ZFHX3: variants seen among roughly 807,000 people sequenced by gnomAD.
ZFHX3 encodes the protein zinc finger homeobox protein 3.
ZFHX3 carries 42 observed loss-of-function variants against 279.1 expected under a neutral mutation model. The ratio of observed to expected loss-of-function variants is 0.15; its 90% CI spans 0.12 to 0.19. ZFHX3 has a LOEUF of 0.19. ZFHX3 is among the 10% of genes least tolerant of loss of function. The pLI, the probability that ZFHX3 is intolerant of heterozygous loss-of-function variation, is 1.00. For synonymous variants in ZFHX3, 2,293 were observed against 1,957.8 expected (o/e 1.17, Z -4.52); for missense variants, 4,981 against 4,754.0 (o/e 1.05, Z -1.40).
chr16:72,969,979 G>A (rs1313407057), intron 1 of ZFHX3, among the ~76,000 whole-genome samples: 1 of 152,200 alleles, frequency 6.6e-6, no homozygotes, highest in African/African-American at 2.4e-5. Context: ...CCAGAGAATC[G>A]CCCAGGCCGT....
At chr16:72,834,953 A>G (rs977079492) in intron 4 of ZFHX3, among the ~76,000 whole-genome samples, 2 of 152,192 alleles carry the variant, frequency 1.3e-5, no homozygotes, top group African/African-American at 4.8e-5. Flanking sequence ...AACTCTTAAC[A>G]GGATAATGCA....
intron 3 of ZFHX3, among the ~76,000 whole-genome samples, chr16:72,906,580 T>A (rs1242777771): frequency 2.0e-5 from 3 of 152,090 alleles, no homozygotes; most frequent in Admixed American, 2.0e-4. Flanking sequence ...GCGGATCACC[T>A]GAGGTCAGGA....
chr16:72,959,693 G>A lies in ZFHX3; in HGVS notation c.453C>T (p.Thr151=). Residue 151 remains threonine (T), a synonymous_variant, in exon 2 of 10, where the codon ACC becomes ACT. Coordinates refer to ENST00000268489, the MANE Select transcript of ZFHX3 (RefSeq NM_006885.4). ...CACTCCCACAGGCGCCCCCGCCCTG[G>A]GTCAGCTGGCTCAGGCTCTCCACAA... The part of the protein sequence containing the change: ...AYIVESLSQL[T]QGGGACGSGS... 4 of 1,613,914 alleles carry A rather than the reference G, an allele frequency of 2.5e-6. No individual in the cohort carries two copies. The highest frequency in any genetic ancestry group is 3.4e-6 in the Non-Finnish European group (4 of 1,179,998).
At chr16:73,187,623 A>G (rs184460385) in intron 5 of ZFHX3, among the ~76,000 whole-genome samples, 1 of 152,334 alleles carries the variant, frequency 6.6e-6, no homozygotes, top group African/African-American at 2.4e-5. Flanking sequence ...TTTTGCTTAA[A>G]GTATCTGGTA....
intron 3 of ZFHX3, among the ~76,000 whole-genome samples, chr16:73,357,639 G>A (rs2016365885): frequency 6.6e-6 from 1 of 152,174 alleles, no homozygotes; most frequent in South Asian, 2.1e-4. Context: ...AGCCTAAAAT[G>A]ACAGGTTCCC....
At chr16:73,689,624 G>T (rs944017971) in intron 1 of ZFHX3, among the ~76,000 whole-genome samples, 1 of 152,176 alleles carries the variant, frequency 6.6e-6, no homozygotes, top group Non-Finnish European at 1.5e-5. Flanking sequence ...AGAGAGGGAA[G>T]GGTTGGTGCA....
intron 1 of ZFHX3, among the ~76,000 whole-genome samples, chr16:73,761,260 T>C (rs1334242381): frequency 2.0e-5 from 3 of 151,788 alleles, no homozygotes; most frequent in East Asian, 1.9e-4. Flanking sequence ...ATAAAATACA[T>C]AGGAATACAG....
chr16:73,097,213 CA>C (rs1482321185), intron 7 of ZFHX3, among the ~76,000 whole-genome samples: 8 of 150,604 alleles, frequency 5.3e-5, no homozygotes, highest in African/African-American at 2.0e-4. Flanking sequence ...GCCTCCTCAC[CA>C]CACCCAGCTA....
intron 1 of ZFHX3, among the ~76,000 whole-genome samples, chr16:73,753,257 T>C (rs1300030765): frequency 2.6e-5 from 4 of 152,166 alleles, no homozygotes; most frequent in African/African-American, 9.7e-5. Context: ...AAACAGGATC[T>C]GGCCCAGACA....
At chr16:73,243,969 G>C (rs757303458) in intron 5 of ZFHX3, among the ~76,000 whole-genome samples, 1 of 152,220 alleles carries the variant, frequency 6.6e-6, no homozygotes, top group African/African-American at 2.4e-5. Flanking sequence ...CAAGTGCTTG[G>C]TCTCAGTTGG....
intron 1 of ZFHX3, among the ~76,000 whole-genome samples, chr16:73,881,480 G>GCCATCC: frequency 4.2e-5 from 1 of 23,578 alleles, no homozygotes; most frequent in East Asian, 1.5e-3. Flanking sequence ...CTCTCTCTCT[G>GCCATCC]CCCCCCCCCC....
intron 1 of ZFHX3, among the ~76,000 whole-genome samples, chr16:72,984,220 C>T (rs1410907185): frequency 2.0e-5 from 3 of 152,238 alleles, no homozygotes; most frequent in Non-Finnish European, 4.4e-5. Flanking sequence ...CCTGGCAAGA[C>T]AGTCAGGAAG....
intron 1 of ZFHX3, among the ~76,000 whole-genome samples, chr16:73,853,649 T>G (rs1470649803): frequency 6.6e-6 from 1 of 151,984 alleles, no homozygotes; most frequent in Non-Finnish European, 1.5e-5. Context: ...AACATAAAGA[T>G]GGAAATAATA....
chr16:73,588,850 G>C (rs558415237), intron 2 of ZFHX3, among the ~76,000 whole-genome samples: 1 of 152,094 alleles, frequency 6.6e-6, no homozygotes, highest in African/African-American at 2.4e-5. Context: ...GTTGGGGAGA[G>C]AGAAAGATTG....
chr16:73,217,243 T>G (rs530095267), intron 5 of ZFHX3, among the ~76,000 whole-genome samples: 2 of 152,338 alleles, frequency 1.3e-5, no homozygotes, highest in Admixed American at 6.5e-5. Context: ...AAGCTACTTA[T>G]GTTCCTTTTT....
chr16:72,868,539 C>T (rs376240069), intron 4 of ZFHX3, among the ~76,000 whole-genome samples: 1 of 152,332 alleles, frequency 6.6e-6, no homozygotes, highest in African/African-American at 2.4e-5. Context: ...GTGACTTTGC[C>T]AGGTCCCCCA....
At chr16:73,573,832 C>T (rs925336972) in intron 2 of ZFHX3, among the ~76,000 whole-genome samples, 4 of 152,102 alleles carry the variant, frequency 2.6e-5, no homozygotes, top group Admixed American at 1.3e-4. Context: ...AGTATAAATG[C>T]GTATATGTGT....
intron 5 of ZFHX3, among the ~76,000 whole-genome samples, chr16:73,150,712 T>C (rs1254163079): frequency 1.3e-5 from 2 of 152,208 alleles, no homozygotes; most frequent in African/African-American, 4.8e-5. Flanking sequence ...TGATTTGCTC[T>C]CATGATTTGG....
chr16:73,324,256 G>A (rs748310648), intron 3 of ZFHX3, among the ~76,000 whole-genome samples: 2 of 152,160 alleles, frequency 1.3e-5, no homozygotes, highest in Non-Finnish European at 2.9e-5. Flanking sequence ...TCCTAACAGT[G>A]TCATTCTTGG....
Sources: gnomAD v4.1 joint callset for allele counts (sites outside exome capture counted in the v4.1 genomes callset) on GRCh38, gnomAD v4.1.1 for gene constraint, MANE v1.5 for transcripts, NCBI Gene and HGNC (gene_info 2026-07-23, HGNC 2026-07-21) for gene names.